TTC17: variants seen among roughly 807,000 people sequenced by gnomAD.
TTC17 encodes the protein tetratricopeptide repeat protein 17.
TTC17 carries 58 observed loss-of-function variants against 143.8 expected under a neutral mutation model. The observed-to-expected ratio is 0.40, with a 90% CI of 0.33 to 0.50. The LOEUF (loss-of-function observed/expected upper bound fraction) is 0.50. Ranked by LOEUF, TTC17 falls within the 20% of genes least tolerant of loss-of-function variation. The pLI is 0.49. For missense variants in TTC17, 1,273 were observed against 1,392.5 expected (o/e 0.91, Z 1.37); for synonymous variants, 501 against 497.8 (o/e 1.01, Z -0.09).
chr11:43,485,919 C>T (rs1404398462), intron 21 of TTC17, among the ~76,000 whole-genome samples: 2 of 147,328 alleles, frequency 1.4e-5, no homozygotes, highest in Non-Finnish European at 3.0e-5. Flanking sequence ...TATGCATATC[C>T]CGTGGCCCAG....
intron 9 of TTC17, among the ~76,000 whole-genome samples, chr11:43,401,146 A>G (rs1857835827): frequency 1.3e-5 from 2 of 152,182 alleles, no homozygotes; most frequent in African/African-American, 4.8e-5. Context: ...AAGATGGCCA[A>G]AGTCTCTTAA....
intron 21 of TTC17, chr11:43,466,654 A>G: frequency 2.9e-6 from 1 of 347,294 alleles, no homozygotes; most frequent in Non-Finnish European, 5.7e-6. Flanking sequence ...TTTATTGTGA[A>G]GCATACAGGT....
Position 43,407,359 on chromosome 11 carries a change from G to C in TTC17, c.1846G>C (p.Ala616Pro). 6.2e-7 allele frequency: 1 copy of C among 1,612,954 alleles called. No individual in the cohort carries two copies. The highest frequency in any genetic ancestry group is 8.5e-7 in the Non-Finnish European group (1 of 1,179,462). ...FLFHAINKPN[A>P]PIWLILNEAG... ...GTATTTTTGGATTTTTCAGCCAAAT[G>C]CTCCTATCTGGCTCATACTCAATGA... is the stretch of plus-strand genomic sequence containing the variant. The change falls in exon 15 of 24, where the codon GCT (alanine) becomes CCT (proline). Residue 616 changes from alanine to proline, a missense_variant. Coordinates refer to ENST00000039989, the MANE Select transcript of TTC17 (RefSeq NM_018259.6).
At chr11:43,462,089 TA>T (rs35082706) in intron 21 of TTC17, among the ~76,000 whole-genome samples, 2,512 of 124,760 alleles carry the variant, frequency 0.02, 25 homozygotes, top group African/African-American at 0.026. Context: ...TAGGCTAGAT[TA>T]AAAAAAAAAA....
intron 21 of TTC17, among the ~76,000 whole-genome samples, chr11:43,453,180 A>T (rs1590447455): frequency 6.6e-6 from 1 of 152,084 alleles, no homozygotes; most frequent in Admixed American, 6.5e-5. Context: ...TGACGAAAAT[A>T]AGAGAGTTAA....
At position 43,401,491 on chromosome 11, in the gene TTC17, A is replaced by T; in HGVS notation, c.1265A>T (p.His422Leu). The stretch of plus-strand genomic sequence containing the variant: ...CTGGTCAACCAGCAGCATAGTTTAC[A>T]TTGCCAGTGGGACCAGCCTGTACGC... ...CRLVNQQHSLHCQWDQPVRYH... is the reference protein window; with the variant it reads ...CRLVNQQHSLLCQWDQPVRYH... The change falls in exon 10 of 24, where the codon CAT becomes CTT. Residue 422 changes from histidine (H) to leucine (L), a missense_variant. Transcript: ENST00000039989. 2 of 1,613,700 alleles carry T rather than the reference A, an allele frequency of 1.2e-6. No individual in the cohort carries two copies. Among genetic ancestry groups the T allele is most frequent in the South Asian group, 1.1e-5 (1 of 90,978 alleles).
intron 1 of TTC17, among the ~76,000 whole-genome samples, chr11:43,365,672 CA>C (rs1252586473): frequency 6.6e-6 from 1 of 152,170 alleles, no homozygotes; most frequent in Non-Finnish European, 1.5e-5. Context: ...TTACCTTGTA[CA>C]AAAATAATTG....
chr11:43,368,150 C>T (rs1856421506), intron 1 of TTC17, among the ~76,000 whole-genome samples: 1 of 152,086 alleles, frequency 6.6e-6, no homozygotes, highest in Admixed American at 6.5e-5. Context: ...CTGAATTCAC[C>T]TTTTCTTGAT....
At chr11:43,364,310 G>A (rs2134432719) in intron 1 of TTC17, among the ~76,000 whole-genome samples, 1 of 152,150 alleles carries the variant, frequency 6.6e-6, no homozygotes, top group East Asian at 1.9e-4. Context: ...TCCTGCCTTG[G>A]CCTCCCAAAG....
intron 21 of TTC17, among the ~76,000 whole-genome samples, chr11:43,487,335 G>A (rs143198711): frequency 4.6e-5 from 7 of 152,070 alleles, no homozygotes; most frequent in Admixed American, 3.3e-4. Context: ...TAGTATAGAC[G>A]GGTTTTCAGT....
At chr11:43,454,860 C>G (rs1424059139) in intron 21 of TTC17, among the ~76,000 whole-genome samples, 2 of 151,832 alleles carry the variant, frequency 1.3e-5, no homozygotes, top group Non-Finnish European at 2.9e-5. Flanking sequence ...TTAAAATATA[C>G]CACATAATAC....
intron 16 of TTC17, among the ~76,000 whole-genome samples, chr11:43,428,462 A>G (rs1441333212): frequency 6.6e-6 from 1 of 152,218 alleles, no homozygotes; most frequent in Non-Finnish European, 1.5e-5. Flanking sequence ...GAAAGCCTGG[A>G]TTCTTCATTA....
chr11:43,446,697 A>G (rs1947549802), intron 18 of TTC17: 1 of 984,444 alleles, frequency 1.0e-6, no homozygotes, highest in Non-Finnish European at 1.2e-6. Context: ...AAATTCCTAT[A>G]ATATAAAAAG....
chr11:43,364,261 C>T (rs1375473227), intron 1 of TTC17, among the ~76,000 whole-genome samples: 41 of 151,782 alleles, frequency 2.7e-4, no homozygotes, highest in Admixed American at 2.5e-3. Flanking sequence ...TTCTTCATGT[C>T]GGCCAGGCTG....
chr11:43,439,209 A>T (rs1339188723), intron 16 of TTC17, among the ~76,000 whole-genome samples: 1 of 152,142 alleles, frequency 6.6e-6, no homozygotes, highest in Non-Finnish European at 1.5e-5. Context: ...AATCTTTTCA[A>T]GCCCGAATTT....
At chr11:43,483,068 C>T (rs1222700592) in intron 21 of TTC17, among the ~76,000 whole-genome samples, 4 of 151,876 alleles carry the variant, frequency 2.6e-5, no homozygotes, top group African/African-American at 9.7e-5. Context: ...CAACTTTATG[C>T]CAATAAATTT....
chr11:43,484,007 T>TG (rs1046459750), intron 21 of TTC17, among the ~76,000 whole-genome samples: 3 of 152,090 alleles, frequency 2.0e-5, no homozygotes, highest in African/African-American at 7.2e-5. Context: ...CCAGGCGTGG[T>TG]GGTGCAGCCC....
rs775328087 is a variant in TTC17 at position 43,471,068 on chromosome 11, C to G, written c.3031-19171C>G. ...ACTAACTGTCAGCAGTTGGCATTAACCAGACTCTATTTTAGGATTAAATCC... is the reference window on the plus strand; with the variant it reads ...ACTAACTGTCAGCAGTTGGCATTAAGCAGACTCTATTTTAGGATTAAATCC... On this transcript the variant is annotated intron_variant, in intron 21 of 23. Coordinates refer to ENST00000039989, the MANE Select transcript of TTC17 (RefSeq NM_018259.6). Among the ~76,000 whole-genome samples, 4 of 152,168 alleles carry G rather than the reference C, an allele frequency of 2.6e-5. No individual in the cohort carries two copies. The East Asian group carries it at 7.7e-4, about 29-fold the overall frequency.
intron 15 of TTC17, among the ~76,000 whole-genome samples, chr11:43,413,016 AC>A (rs1946689643): frequency 3.3e-5 from 5 of 151,266 alleles, no homozygotes; most frequent in Non-Finnish European, 5.9e-5. Context: ...ACACACACAC[AC>A]ACACACACAC....
Sources: gnomAD v4.1 joint callset for allele counts (sites outside exome capture counted in the v4.1 genomes callset) on GRCh38, gnomAD v4.1.1 for gene constraint, MANE v1.5 for transcripts, NCBI Gene and HGNC (gene_info 2026-07-23, HGNC 2026-07-21) for gene names.